PSMA1: variants seen among roughly 807,000 people sequenced by gnomAD.
PSMA1 encodes the protein proteasome 20S subunit alpha 1.
A neutral mutation model predicts 38.4 loss-of-function variants in PSMA1; 3 were observed. The ratio of observed to expected loss-of-function variants is 0.08; its 90% confidence interval spans 0.04 to 0.20. The LOEUF is 0.20. Ranked by LOEUF, PSMA1 falls within the 10% of genes least tolerant of loss-of-function variation. The pLI, the probability that PSMA1 is intolerant of heterozygous loss-of-function variation, is 1.00. For missense variants in PSMA1, 227 were observed against 325.3 expected, an observed-to-expected ratio of 0.70 and a Z score of 2.32; for synonymous variants, 101 against 107.1, an observed-to-expected ratio of 0.94 and a Z score of 0.35.
At chr11:14,556,531 G>A (rs1426584166) in intron 2 of PSMA1, among the ~76,000 whole-genome samples, 2 of 151,762 alleles carry the variant, frequency 1.3e-5, no homozygotes, top group African/African-American at 4.8e-5. Context: ...AACACAATAG[G>A]CCTTTTAAAT....
intron 2 of PSMA1, among the ~76,000 whole-genome samples, chr11:14,546,578 C>T (rs1474647191): frequency 6.6e-6 from 1 of 152,038 alleles, no homozygotes; most frequent in Non-Finnish European, 1.5e-5. Flanking sequence ...GCTAGGATTA[C>T]AGGCGTGTGT....
upstream of PSMA1, among the ~76,000 whole-genome samples, chr11:14,521,316 G>T (rs577698018): frequency 1.4e-3 from 113 of 78,332 alleles, no homozygotes; most frequent in East Asian, 0.01. Context: ...ATAAGAATAA[G>T]AATAAGAATA....
At chr11:14,614,601 A>C (rs989714950) in intron 1 of PSMA1, among the ~76,000 whole-genome samples, 1 of 152,132 alleles carries the variant, frequency 6.6e-6, no homozygotes, top group Non-Finnish European at 1.5e-5. Flanking sequence ...TTTCTCTCCT[A>C]ATTAATAGTA....
intron 2 of PSMA1, among the ~76,000 whole-genome samples, chr11:14,608,732 AG>A (rs1852674034): frequency 6.8e-6 from 1 of 148,002 alleles, no homozygotes; most frequent in Admixed American, 6.8e-5. Flanking sequence ...ATAATATAAA[AG>A]TATACATATT....
At chr11:14,631,462 G>A (rs1303294133) in intron 1 of PSMA1, among the ~76,000 whole-genome samples, 2 of 152,064 alleles carry the variant, frequency 1.3e-5, no homozygotes, top group African/African-American at 4.8e-5. Flanking sequence ...CAGTTTCCAT[G>A]TAGTTGAGCG....
At chr11:14,610,328 A>T (rs1168871981) in intron 2 of PSMA1, among the ~76,000 whole-genome samples, 1 of 138,034 alleles carries the variant, frequency 7.2e-6, no homozygotes, top group East Asian at 2.1e-4. Context: ...TGCTGATAAG[A>T]GTGGGGCTGT....
At chr11:14,582,360 A>G (rs1183434800) in intron 2 of PSMA1, among the ~76,000 whole-genome samples, 1 of 152,178 alleles carries the variant, frequency 6.6e-6, no homozygotes, top group Non-Finnish European at 1.5e-5. Flanking sequence ...AGAATACTCC[A>G]TAACTCCCAG....
intron 2 of PSMA1, among the ~76,000 whole-genome samples, chr11:14,601,071 T>C (rs759169897): frequency 1.3e-5 from 2 of 152,240 alleles, no homozygotes; most frequent in African/African-American, 2.4e-5. Flanking sequence ...TCATGCATTA[T>C]TCCATTTTAG....
intron 7 of PSMA1, 56 bp from the exon 8 acceptor site, chr11:14,511,007 GTTAT>G: frequency 8.2e-7 from 1 of 1,225,388 alleles, no homozygotes; most frequent in Non-Finnish European, 1.1e-6. Flanking sequence ...CTAGGCTTCT[GTTAT>G]TTATCAAATC....
At chr11:14,632,624 T>C (rs1853038353) in intron 1 of PSMA1, among the ~76,000 whole-genome samples, 2 of 151,258 alleles carry the variant, frequency 1.3e-5, no homozygotes, top group South Asian at 4.2e-4. Flanking sequence ...TCAGCTTTGG[T>C]GAATCTGACA....
At chr11:14,560,236 A>G (rs561363477) in intron 2 of PSMA1, among the ~76,000 whole-genome samples, 1 of 152,298 alleles carries the variant, frequency 6.6e-6, no homozygotes, top group East Asian at 1.9e-4. Flanking sequence ...TGGATCTACT[A>G]ATTTTGCACA....
At chr11:14,614,660 G>C (rs1590011426) in intron 1 of PSMA1, among the ~76,000 whole-genome samples, 1 of 152,254 alleles carries the variant, frequency 6.6e-6, no homozygotes, top group East Asian at 1.9e-4. Flanking sequence ...CTCATCTAGA[G>C]CCTGCCTTTT....
chr11:14,580,611 G>T (rs1249238435), intron 2 of PSMA1, among the ~76,000 whole-genome samples: 1 of 152,170 alleles, frequency 6.6e-6, no homozygotes, highest in African/African-American at 2.4e-5. Context: ...AATCTCCAGT[G>T]CCTAGTAAGT....
chr11:14,529,240 A>G (rs1295758732), intron 2 of PSMA1, among the ~76,000 whole-genome samples: 1 of 152,200 alleles, frequency 6.6e-6, no homozygotes, highest in Non-Finnish European at 1.5e-5. Context: ...ATGGATGTGT[A>G]AATCTTACCG....
At chr11:14,526,540 C>T (rs1019271995) in intron 2 of PSMA1, among the ~76,000 whole-genome samples, 4 of 152,164 alleles carry the variant, frequency 2.6e-5, no homozygotes, top group Admixed American at 2.0e-4. Flanking sequence ...ATGCTCAACT[C>T]ACTCTCTACA....
In PSMA1 at chr11:14,634,481, A is replaced by C. The variant is rs1435575434; in HGVS notation, c.-166+8974T>G. Among the ~76,000 whole-genome samples, 4 of 151,808 alleles carry C rather than the reference A, an allele frequency of 2.6e-5. No homozygotes were observed. In the East Asian group the frequency reaches 7.7e-4, roughly 29 times the overall value. ...TTTTTTGAAGGCGAAGATTCCACTT[A>C]ATTCTTCGTAAAATTTAGGCTTTTT... On this transcript the variant is annotated intron_variant, in intron 1 of 10. Coordinates refer to the PSMA1 transcript ENST00000418988.
intron 1 of PSMA1, among the ~76,000 whole-genome samples, chr11:14,519,437 TCTC>T (rs1851490998): frequency 6.6e-6 from 1 of 152,214 alleles, no homozygotes. Context: ...CTTGAAGTCT[TCTC>T]CTTTTCTTCC....
chr11:14,552,314 AACCAG>A (rs1392464261), intron 2 of PSMA1, among the ~76,000 whole-genome samples: 4 of 152,218 alleles, frequency 2.6e-5, no homozygotes, highest in Non-Finnish European at 4.4e-5. Flanking sequence ...TCTGGACAGT[AACCAG>A]ACCAACAGTG....
chr11:14,615,154 C>T (rs901418559), intron 1 of PSMA1, among the ~76,000 whole-genome samples: 10 of 152,170 alleles, frequency 6.6e-5, no homozygotes, highest in African/African-American at 2.4e-4. Context: ...ATGTCTTATT[C>T]ACTTCTCTAT....
Sources: gnomAD v4.1 joint callset for allele counts (sites outside exome capture counted in the v4.1 genomes callset) on GRCh38, gnomAD v4.1.1 for gene constraint, MANE v1.5 for transcripts, NCBI Gene and HGNC (gene_info 2026-07-23, HGNC 2026-07-21) for gene names.